The following UQCC1 variants were observed in gnomAD, a reference collection of about 807,000 sequenced individuals.
The protein encoded by UQCC1 is bFGF-repressed Zic-binding protein.
Under a neutral mutation model 48.0 loss-of-function variants are expected in UQCC1, and 38 were observed. That is an observed-to-expected ratio of 0.79 (90% CI 0.61 to 1.04). UQCC1 has a LOEUF of 1.04. Among genes scored for constraint, UQCC1 ranks in the 50% least tolerant of loss-of-function variants. The pLI is 0.00. For synonymous variants in UQCC1, 111 were observed against 129.2 expected, an observed-to-expected ratio of 0.86 and a Z score of 0.95; for missense variants, 368 against 381.8, an observed-to-expected ratio of 0.96 and a Z score of 0.30.
intron 7 of UQCC1, among the ~76,000 whole-genome samples, chr20:35,322,871 G>T (rs1052825853): frequency 6.6e-6 from 1 of 151,370 alleles, no homozygotes; most frequent in Non-Finnish European, 1.5e-5. Flanking sequence ...TTTTTGAGAC[G>T]GAGTCTTGCT....
chr20:35,404,790 C>G (rs981941147), intron 1 of UQCC1, among the ~76,000 whole-genome samples: 1 of 151,870 alleles, frequency 6.6e-6, no homozygotes. Context: ...GTGAAAAAAC[C>G]TTTTCCCCAG....
intron 7 of UQCC1, chr20:35,346,868 C>A: frequency 2.4e-6 from 2 of 841,558 alleles, no homozygotes; most frequent in Non-Finnish European, 3.6e-6. Context: ...TCATTTGATT[C>A]CCTCCATTCA....
chr20:35,386,116 T>C (rs6060391), intron 2 of UQCC1, among the ~76,000 whole-genome samples: 2 of 152,100 alleles, frequency 1.3e-5, no homozygotes, highest in Non-Finnish European at 2.9e-5. Context: ...AAAACATGAC[T>C]GCGTAGACTG....
At chr20:35,329,121 C>T (rs1038379455) in intron 7 of UQCC1, among the ~76,000 whole-genome samples, 1 of 152,120 alleles carries the variant, frequency 6.6e-6, no homozygotes, top group East Asian at 1.9e-4. Context: ...TCAGCACTAC[C>T]CAGGCATCAA....
chr20:35,407,324 AG>A (rs1402918724), intron 1 of UQCC1, among the ~76,000 whole-genome samples: 5 of 151,892 alleles, frequency 3.3e-5, no homozygotes, highest in Non-Finnish European at 7.4e-5. Flanking sequence ...GCTACTTGGG[AG>A]GGTGAGGCAG....
intron 6 of UQCC1, among the ~76,000 whole-genome samples, chr20:35,361,551 A>G (rs2061605164): frequency 2.0e-5 from 3 of 152,230 alleles, no homozygotes; most frequent in Non-Finnish European, 4.4e-5. Flanking sequence ...CCATAATTTT[A>G]TGAATCTATG....
chr20:35,386,192 G>A (rs2146494791), intron 2 of UQCC1: 1 of 366,122 alleles, frequency 2.7e-6, no homozygotes, highest in South Asian at 2.1e-5. Flanking sequence ...TTAGAATTAT[G>A]GATAAATTTA....
chr20:35,338,516 A>T (rs2061337569), intron 7 of UQCC1, among the ~76,000 whole-genome samples: 1 of 152,048 alleles, frequency 6.6e-6, no homozygotes, highest in South Asian at 2.1e-4. Flanking sequence ...TCACCACAGA[A>T]ATGAGAGGGT....
At chr20:35,397,513 CAA>C (rs376172666) in intron 1 of UQCC1, among the ~76,000 whole-genome samples, 8 of 60,972 alleles carry the variant, frequency 1.3e-4, no homozygotes, top group Admixed American at 1.8e-4. Context: ...GAGACTGTCT[CAA>C]AAAAAAAAAA....
intron 2 of UQCC1, among the ~76,000 whole-genome samples, chr20:35,390,242 C>G (rs976747389): frequency 3.3e-5 from 5 of 151,668 alleles, no homozygotes; most frequent in Non-Finnish European, 1.5e-5. Flanking sequence ...CTGGCCAACA[C>G]AGTGAAACCC....
At chr20:35,359,896 C>T (rs2061587419) in intron 6 of UQCC1, among the ~76,000 whole-genome samples, 1 of 152,182 alleles carries the variant, frequency 6.6e-6, no homozygotes, top group Non-Finnish European at 1.5e-5. Flanking sequence ...CACCTGGTTT[C>T]CCAAACTCCC....
intron 1 of UQCC1, 90 bp from the exon 2 acceptor site, chr20:35,394,286 T>A (rs945805379): frequency 9.5e-6 from 11 of 1,153,302 alleles, no homozygotes; most frequent in Non-Finnish European, 1.4e-5. Context: ...TGTAATATAA[T>A]TAGAAATATA....
At chr20:35,314,604 C>T in intron 8 of UQCC1, 84 bp downstream of exon 8, 2 of 1,157,790 alleles carry the variant, frequency 1.7e-6, no homozygotes, top group Middle Eastern at 2.1e-4. Context: ...ACAATGGTCC[C>T]TGTGGCTTCC....
At chr20:35,313,590 T>C (rs1475644155) in intron 8 of UQCC1, among the ~76,000 whole-genome samples, 1 of 152,160 alleles carries the variant, frequency 6.6e-6, no homozygotes, top group Non-Finnish European at 1.5e-5. Flanking sequence ...AGTTTTCGTC[T>C]GGAGCAGGGT....
intron 6 of UQCC1, among the ~76,000 whole-genome samples, chr20:35,353,416 A>C (rs2061512807): frequency 6.6e-6 from 1 of 151,850 alleles, no homozygotes; most frequent in East Asian, 1.9e-4. Flanking sequence ...AAAAAATTTA[A>C]ATTAAAAAGT....
chr20:35,320,655 G>A (rs1332671744), intron 7 of UQCC1, among the ~76,000 whole-genome samples: 1 of 152,178 alleles, frequency 6.6e-6, no homozygotes, highest in Non-Finnish European at 1.5e-5. Context: ...GATATCCCTA[G>A]TAGAGCCAAG....
At chr20:35,356,475 G>A (rs762032509) in intron 6 of UQCC1, among the ~76,000 whole-genome samples, 7 of 152,158 alleles carry the variant, frequency 4.6e-5, no homozygotes, top group Non-Finnish European at 1.0e-4. Flanking sequence ...TAGCAAAAAC[G>A]GACAAGTGCT....
chr20:35,394,284 A>AT, intron 1 of UQCC1, 88 bp from the exon 2 acceptor site: 1 of 1,156,448 alleles, frequency 8.6e-7, no homozygotes, highest in Non-Finnish European at 1.3e-6. Flanking sequence ...ACTGTAATAT[A>AT]ATTAGAAATA....
At chr20:35,387,563 G>A (rs769123960) in intron 2 of UQCC1, among the ~76,000 whole-genome samples, 1 of 150,676 alleles carries the variant, frequency 6.6e-6, no homozygotes, top group Non-Finnish European at 1.5e-5. Context: ...TCCAAAAAAA[G>A]AACCACAGGA....
Sources: allele counts gnomAD v4.1 joint callset (sites outside exome capture counted in the v4.1 genomes callset), GRCh38; gene constraint gnomAD v4.1.1; transcripts MANE v1.5; gene names NCBI Gene and HGNC (gene_info 2026-07-23, HGNC 2026-07-21).